RSU1: variants seen among roughly 807,000 people sequenced by gnomAD.
RSU1 encodes the protein rsu-1.
RSU1 carries 26 observed loss-of-function variants against 31.1 expected under a neutral mutation model. The ratio of observed to expected loss-of-function variants is 0.84; its 90% CI spans 0.61 to 1.16. RSU1 has a LOEUF of 1.16. RSU1 is among the 50% of genes most tolerant of loss of function. The pLI is 0.00. For missense variants in RSU1, 320 were observed against 339.1 expected (o/e 0.94, Z 0.44); for synonymous variants, 164 against 136.3 (o/e 1.20, Z -1.41).
intron 8 of RSU1, among the ~76,000 whole-genome samples, chr10:16,607,319 A>G (rs1833821486): frequency 6.6e-6 from 1 of 152,136 alleles, no homozygotes. Flanking sequence ...AACCTCTTCT[A>G]TATAAATTAC....
At chr10:16,714,301 C>A (rs1836085237) in intron 7 of RSU1, among the ~76,000 whole-genome samples, 1 of 152,144 alleles carries the variant, frequency 6.6e-6, no homozygotes, top group African/African-American at 2.4e-5. Context: ...AGGAGCAGGT[C>A]CACCACTGGC....
At chr10:16,704,672 C>T (rs1245922745) in intron 7 of RSU1, among the ~76,000 whole-genome samples, 1 of 152,222 alleles carries the variant, frequency 6.6e-6, no homozygotes, top group African/African-American at 2.4e-5. Context: ...GCTGAAAGCC[C>T]TATTACCTGC....
At chr10:16,718,579 T>C (rs58461903) in intron 7 of RSU1, among the ~76,000 whole-genome samples, 13,550 of 152,010 alleles carry the variant, frequency 0.089, 1,050 homozygotes, top group African/African-American at 0.21. Flanking sequence ...TTTAAAACGG[T>C]AAATGGCACA....
intron 7 of RSU1, among the ~76,000 whole-genome samples, chr10:16,750,995 A>G (rs1483348788): frequency 6.6e-6 from 1 of 151,628 alleles, no homozygotes; most frequent in Non-Finnish European, 1.5e-5. Flanking sequence ...CCTCCCGAGT[A>G]GCTGGGACTA....
In RSU1 at chr10:16,716,519, T is replaced by A. The variant is rs149152202; in HGVS notation, c.599-21364A>T. 7.2e-5 allele frequency among the ~76,000 whole-genome samples: 11 copies of A among 152,110 alleles called. No individual in the cohort carries two copies. In the East Asian group the frequency reaches 1.9e-3, roughly 27 times the overall value. ...TAGGGAATGAGAGGCAAAGGGGATA[T>A]GCCCTCCTGATCCCTGCCACCTCCT... On this transcript the variant is annotated intron_variant, in intron 7 of 8. Transcript: ENST00000345264.
intron 2 of RSU1, among the ~76,000 whole-genome samples, chr10:16,784,023 C>G (rs561051012): frequency 3.3e-5 from 5 of 152,088 alleles, no homozygotes; most frequent in Non-Finnish European, 5.9e-5. Context: ...CCTTGACTTT[C>G]GTGACCTTGG....
At chr10:16,630,758 C>T (rs190937643) in intron 8 of RSU1, among the ~76,000 whole-genome samples, 114 of 152,282 alleles carry the variant, frequency 7.5e-4, no homozygotes, top group African/African-American at 2.5e-3. Context: ...TTCACAAACC[C>T]AGGACACAGT....
intron 8 of RSU1, among the ~76,000 whole-genome samples, chr10:16,689,499 G>A (rs1195246268): frequency 6.6e-6 from 1 of 152,184 alleles, no homozygotes; most frequent in Non-Finnish European, 1.5e-5. Context: ...TAACAGGTTT[G>A]CACAGCATGC....
rs1220550279 is a variant in RSU1, at chr10:16,590,989, GC to G, written c.*2404del. ...TGCGGTGGCTTAATCTCAGCTCAGT[GC>G]AACCTCTGCCTCCCGGGTTCAATCA... is the stretch of plus-strand genomic sequence containing the variant. On this transcript the variant is annotated 3_prime_UTR_variant, in exon 9 of 9. Coordinates refer to ENST00000345264, the MANE Select transcript of RSU1 (RefSeq NM_012425.4). The G allele has an allele frequency of 6.6e-6, 1 of 152,104 alleles. No homozygotes were observed. The highest frequency in any genetic ancestry group is 1.5e-5 in the Non-Finnish European group (1 of 68,040). 9.4% of individuals were successfully genotyped at this position (152,104 alleles called of 1,614,324 possible).
intron 4 of RSU1, among the ~76,000 whole-genome samples, chr10:16,758,453 C>T (rs1324593776): frequency 1.3e-5 from 2 of 152,166 alleles, no homozygotes; most frequent in Non-Finnish European, 1.5e-5. Context: ...TCAAGGTTTC[C>T]ATGAGAGGCT....
At chr10:16,741,199 A>G (rs1239717190) in intron 7 of RSU1, among the ~76,000 whole-genome samples, 3 of 152,236 alleles carry the variant, frequency 2.0e-5, no homozygotes, top group African/African-American at 7.2e-5. Flanking sequence ...TGCCAAGACC[A>G]TTTGATAAAA....
At chr10:16,696,596 G>A (rs934922400) in intron 7 of RSU1, among the ~76,000 whole-genome samples, 4 of 152,160 alleles carry the variant, frequency 2.6e-5, no homozygotes, top group Non-Finnish European at 5.9e-5. Flanking sequence ...ATTTGTTGGC[G>A]CTTGGTACAA....
intron 2 of RSU1, among the ~76,000 whole-genome samples, chr10:16,815,903 G>C (rs1334842049): frequency 6.6e-6 from 1 of 152,192 alleles, no homozygotes; most frequent in Non-Finnish European, 1.5e-5. Flanking sequence ...ATCTGAACGA[G>C]TAGGCTCTGG....
intron 3 of RSU1, among the ~76,000 whole-genome samples, chr10:16,773,827 C>G (rs1366139458): frequency 2.0e-5 from 3 of 152,060 alleles, no homozygotes; most frequent in Non-Finnish European, 4.4e-5. Flanking sequence ...GAGCATTCAT[C>G]TCAACTTTCT....
intron 8 of RSU1, among the ~76,000 whole-genome samples, chr10:16,652,392 CA>C (rs71505091): frequency 0.077 from 6,850 of 89,068 alleles, 101 homozygotes; most frequent in East Asian, 0.13. Flanking sequence ...TGCCCCAAAG[CA>C]AAAAAAAAAA....
chr10:16,764,614 T>C, intron 3 of RSU1, 104 bp from the exon 4 acceptor site: 1 of 1,234,010 alleles, frequency 8.1e-7, no homozygotes, highest in Non-Finnish European at 1.1e-6. Flanking sequence ...AAGACATAAC[T>C]TCAAAAGGGC....
At chr10:16,726,603 C>T (rs1836401884) in intron 7 of RSU1, among the ~76,000 whole-genome samples, 1 of 152,130 alleles carries the variant, frequency 6.6e-6, no homozygotes, top group Non-Finnish European at 1.5e-5. Flanking sequence ...AAACATACTT[C>T]TGATTATTTC....
chr10:16,604,952 C>T (rs1329170604), intron 8 of RSU1, among the ~76,000 whole-genome samples: 2 of 152,166 alleles, frequency 1.3e-5, no homozygotes, highest in Non-Finnish European at 2.9e-5. Flanking sequence ...CCCAGATCTG[C>T]TGGTACCTTG....
At chr10:16,782,593 T>C (rs1232184716) in intron 2 of RSU1, among the ~76,000 whole-genome samples, 2 of 152,194 alleles carry the variant, frequency 1.3e-5, no homozygotes, top group Non-Finnish European at 2.9e-5. Flanking sequence ...TTCTCCTCCA[T>C]GGTATCAGAT....
Sources: allele counts gnomAD v4.1 joint callset (sites outside exome capture counted in the v4.1 genomes callset), GRCh38; gene constraint gnomAD v4.1.1; transcripts MANE v1.5; gene names NCBI Gene and HGNC (gene_info 2026-07-23, HGNC 2026-07-21).